The following SLC6A18 variants were observed in gnomAD, a reference collection of about 807,000 sequenced individuals.
The protein encoded by SLC6A18 is inactive sodium-dependent neutral amino acid transporter B(0)AT3.
Under a neutral mutation model 62.9 loss-of-function variants are expected in SLC6A18, and 58 were observed. The observed-to-expected ratio is 0.92, with a 90% CI of 0.75 to 1.15. SLC6A18 has a LOEUF of 1.15. SLC6A18 is among the 50% of genes most tolerant of loss of function. The pLI is 0.00. For missense variants in SLC6A18, 793 were observed against 836.6 expected (o/e 0.95, Z 0.64); for synonymous variants, 382 against 365.8 (o/e 1.04, Z -0.51).
In SLC6A18 at chr5:1,235,824, A is replaced by G. The variant is rs11956561; in HGVS notation, c.621+162A>G. Among the ~76,000 whole-genome samples, 52,414 of 151,968 alleles carry G rather than the reference A, an allele frequency of 0.34. 9,507 individuals carry two copies. Among genetic ancestry groups the G allele is most frequent in the South Asian group, 0.44 (2,125 of 4,816 alleles). ...GGAATTGATCCCATTATCACTGTGAAGCAACCTTTTTTATTCTGGTGATAT... is the reference window on the plus strand; with the variant it reads ...GGAATTGATCCCATTATCACTGTGAGGCAACCTTTTTTATTCTGGTGATAT... On this transcript the variant is annotated intron_variant, in intron 4 of 11. Transcript: ENST00000324642.
At position 1,235,550 on chromosome 5, in the gene SLC6A18, C is replaced by T. The variant is rs779521205; in HGVS notation, c.509C>T (p.Thr170Ile). 6.2e-7 allele frequency: 1 copy of T among 1,614,074 alleles called. No individual in the cohort carries two copies. The highest frequency in any genetic ancestry group is 8.5e-7 in the Non-Finnish European group (1 of 1,180,028). Residue 170 changes from threonine to isoleucine, a missense_variant, in exon 4 of 12, where the codon ACA (threonine) becomes ATA (isoleucine). Coordinates refer to ENST00000324642, the MANE Select transcript of SLC6A18 (RefSeq NM_182632.3). ...TGGTACCGGCAGACACTGAACATCA[C>T]AGCCGACATCAATGACAGTGGCTCC... The part of the protein sequence containing the change: ...YFWYRQTLNI[T>I]ADINDSGSIQ...
chr5:1,239,148 T>G (rs1451540728), intron 5 of SLC6A18, among the ~76,000 whole-genome samples: 1 of 152,248 alleles, frequency 6.6e-6, no homozygotes, highest in Admixed American at 6.5e-5. Flanking sequence ...AACATGCCCA[T>G]GCAGGAGCTG....
chr5:1,240,670 G>A lies in SLC6A18; in HGVS notation c.974+11G>A. 6.2e-7 allele frequency: 1 copy of A among 1,613,208 alleles called. No homozygotes were observed. The highest frequency in any genetic ancestry group is 1.7e-5 in the Admixed American group (1 of 60,006). On this transcript the variant is annotated intron_variant, in intron 7 of 11. Coordinates refer to ENST00000324642, the MANE Select transcript of SLC6A18 (RefSeq NM_182632.3). ...GCACTGCCTGGACAGGTGAGCACAG[G>A]TGCCGCGCCTGGCTCTGTGGGGCAC...
intron 1 of SLC6A18, among the ~76,000 whole-genome samples, chr5:1,227,033 GCCCGCCGACGCCTTGCCCGCCGACA>G (rs1309562520): frequency 9.9e-5 from 10 of 100,786 alleles, no homozygotes; most frequent in African/African-American, 3.3e-4. Context: ...CCAACGCCTT[GCCCGCCGACGCCTTGCCCGCCGACA>G]CCTTGCCCGC....
intron 1 of SLC6A18, among the ~76,000 whole-genome samples, chr5:1,229,013 G>A (rs374464063): frequency 1.3e-5 from 2 of 152,216 alleles, no homozygotes; most frequent in Non-Finnish European, 2.9e-5. Flanking sequence ...AGTGAGACCC[G>A]TGCCCACGCA....
intron 3 of SLC6A18, among the ~76,000 whole-genome samples, chr5:1,234,040 C>A (rs1185379128): frequency 6.6e-6 from 1 of 152,136 alleles, no homozygotes; most frequent in South Asian, 2.1e-4. Flanking sequence ...CGCGCCCGGC[C>A]AGCACCCAGC....
At chr5:1,233,854 G>C (rs1421919848) in intron 3 of SLC6A18, among the ~76,000 whole-genome samples, 3 of 151,640 alleles carry the variant, frequency 2.0e-5, no homozygotes, top group African/African-American at 7.3e-5. Flanking sequence ...CCATTCTCCT[G>C]CCTCAGCCTC....
In SLC6A18 at chr5:1,243,920, C is replaced by T. The variant is rs1350726436; in HGVS notation, c.1336+161C>T. Among the ~76,000 whole-genome samples the T allele has an allele frequency of 6.6e-6, 1 of 152,168 alleles. No individual in the cohort carries two copies. Among genetic ancestry groups the T allele is most frequent in the African/African-American group, 2.4e-5 (1 of 41,446 alleles). On this transcript the variant is annotated intron_variant, in intron 9 of 11. Transcript: ENST00000324642. This position sits in a 1 kb window ranked among gnomAD's most constrained non-coding sequence, Gnocchi z 6.5. ...GCTACTCCTTGCTGACAGCCATCAACGGAGAGCCGAGGGTCGAGGGAGGGT... is the reference window on the plus strand; with the variant it reads ...GCTACTCCTTGCTGACAGCCATCAATGGAGAGCCGAGGGTCGAGGGAGGGT...
At chr5:1,244,177 T>TCCCCCTTCCCCCCCCAC in intron 9 of SLC6A18, 37 bp from the exon 10 acceptor site, 1 of 387,122 alleles carries the variant, frequency 2.6e-6, no homozygotes. Flanking sequence ...CCACTCCCCA[T>TCCCCCTTCCCCCCCCAC]CCCCTTACCC....
Position 1,232,355 on chromosome 5 carries a change from A to G in SLC6A18, c.297A>G (p.Gly99=), listed in dbSNP as rs1330540887. The change falls in exon 2 of 12, where the codon GGA becomes GGG. Residue 99 remains glycine, a synonymous_variant. Coordinates refer to ENST00000324642, the MANE Select transcript of SLC6A18 (RefSeq NM_182632.3). ...CGGCCATCTCCCCGTACCTCAGTGG[A>G]GTAGGTAGGCCACCGTCCTCGCTTG... ...VWTAISPYLS[G]VGLGCVTLSF... is the part of the protein sequence containing the mutation. 1.2e-6 allele frequency: 2 copies of G among 1,609,846 alleles called. No individual in the cohort carries two copies. Among genetic ancestry groups the G allele is most frequent in the Non-Finnish European group, 1.7e-6 (2 of 1,179,112 alleles).
intron 5 of SLC6A18, among the ~76,000 whole-genome samples, 185 bp from the exon 6 acceptor site, chr5:1,239,265 C>T (rs939945801): frequency 1.1e-4 from 17 of 152,232 alleles, no homozygotes; most frequent in African/African-American, 3.6e-4. Context: ...TGGCATTTGC[C>T]GTGTACAGAG....
intron 3 of SLC6A18, among the ~76,000 whole-genome samples, chr5:1,233,986 C>T (rs1746817072): frequency 6.6e-6 from 1 of 152,188 alleles, no homozygotes; most frequent in Non-Finnish European, 1.5e-5. Context: ...CGTGATCCGC[C>T]TGCCTCGGCC....
At chr5:1,245,325 T>A (rs1170405818) in intron 11 of SLC6A18, among the ~76,000 whole-genome samples, 1 of 151,914 alleles carries the variant, frequency 6.6e-6, no homozygotes, top group Non-Finnish European at 1.5e-5. Flanking sequence ...TGACATACCA[T>A]CTGAGTCCCC....
At position 1,235,593 on chromosome 5, in the gene SLC6A18, C is replaced by T. The variant is rs549445644; in HGVS notation, c.552C>T (p.Leu184=). The T allele has an allele frequency of 2.3e-5, 37 of 1,614,038 alleles. No individual in the cohort carries two copies. In the South Asian group the frequency reaches 3.5e-4, roughly 15 times the overall value. The change falls in exon 4 of 12, where the codon CTC becomes CTT. Residue 184 remains leucine (L), a synonymous_variant. Transcript: ENST00000324642. ...GTGGCTCCATCCAGTGGTGGCTGCTCATCTGCTTGGCAGCCTCCTGGGCAG... is the reference window on the plus strand; with the variant it reads ...GTGGCTCCATCCAGTGGTGGCTGCTTATCTGCTTGGCAGCCTCCTGGGCAG... ...NDSGSIQWWL[L]ICLAASWAVV... is the part of the protein sequence containing the mutation.
At position 1,243,146 on chromosome 5, in the gene SLC6A18, G is replaced by A. The variant is rs1747109228; in HGVS notation, c.1131+283G>A. Among the ~76,000 whole-genome samples the A allele has an allele frequency of 6.6e-6, 1 of 152,192 alleles. No individual in the cohort carries two copies. Among genetic ancestry groups the A allele is most frequent in the South Asian group, 2.1e-4 (1 of 4,828 alleles). ...TTGCTGGTGCCCAGACCCCAGGAGA[G>A]GGGGTGGCCAGCATGAGGGTCACAG... On this transcript the variant is annotated intron_variant, in intron 8 of 11. Transcript: ENST00000324642. The surrounding 1 kb of genome is among the most constrained non-coding windows in gnomAD (Gnocchi z 6.5).
intron 7 of SLC6A18, among the ~76,000 whole-genome samples, chr5:1,242,317 G>A (rs1747084270): frequency 6.6e-6 from 1 of 152,180 alleles, no homozygotes; most frequent in South Asian, 2.1e-4. Flanking sequence ...GTGCCGCCCT[G>A]TCACAGCACA....
In SLC6A18 at chr5:1,245,912, T is replaced by TG; in HGVS notation, c.1722dup (p.Ser575ValfsTer73). 1 of 1,607,084 alleles carries TG rather than the reference T, an allele frequency of 6.2e-7. No individual in the cohort carries two copies. The highest frequency in any genetic ancestry group is 8.5e-7 in the Non-Finnish European group (1 of 1,179,548). On this transcript the variant is annotated frameshift_variant, in exon 12 of 12. Coordinates refer to ENST00000324642, the MANE Select transcript of SLC6A18 (RefSeq NM_182632.3). LOFTEE classifies it low-confidence loss of function (END_TRUNC). ...TGGGCGCGCGCCGCCTGTGTGCTGC[T>TG]GTCCTTGCTGCCCGTGCTGTGGGTC... is the stretch of plus-strand genomic sequence containing the variant.
Position 1,239,559 on chromosome 5 carries a change from C to T in SLC6A18, c.842C>T (p.Pro281Leu), listed in dbSNP as rs2126538068. The change falls in exon 6 of 12, where the codon CCC becomes CTC. Residue 281 changes from proline (P) to leucine (L), a missense_variant. Coordinates refer to ENST00000324642, the MANE Select transcript of SLC6A18 (RefSeq NM_182632.3). Reference protein sequence around the residue: ...GHIAFASYNSPRNDCQKDAVV... With the variant: ...GHIAFASYNSLRNDCQKDAVV... ...ATCGCTTTTGCAAGTTACAACTCGC[C>T]CAGGTAGGCAGTCGGGCTCAGCTGT... The T allele has an allele frequency of 6.2e-7, 1 of 1,613,070 alleles. No individual in the cohort carries two copies. Among genetic ancestry groups the T allele is most frequent in the African/African-American group, 1.3e-5 (1 of 75,034 alleles).
At position 1,243,052 on chromosome 5, in the gene SLC6A18, G is replaced by C. The variant is rs1747107227; in HGVS notation, c.1131+189G>C. Among the ~76,000 whole-genome samples, 1 of 152,212 alleles carries C rather than the reference G, an allele frequency of 6.6e-6. No individual in the cohort carries two copies. The highest frequency in any genetic ancestry group is 6.5e-5 in the Admixed American group (1 of 15,292). ...CCTCCTGGAAAGCCCGAAGTCCTGG[G>C]GGCAGCTGTGTCCAGCAGACGCTGC... On this transcript the variant is annotated intron_variant, in intron 8 of 11. Coordinates refer to ENST00000324642, the MANE Select transcript of SLC6A18 (RefSeq NM_182632.3). The surrounding 1 kb of genome is among the most constrained non-coding windows in gnomAD (Gnocchi z 6.5).
Sources: allele counts gnomAD v4.1 joint callset (sites outside exome capture counted in the v4.1 genomes callset), GRCh38; gene constraint gnomAD v4.1.1; non-coding constraint Gnocchi (gnomAD v3.1); transcripts MANE v1.5; gene names NCBI Gene and HGNC (gene_info 2026-07-23, HGNC 2026-07-21).